The following OTUD7B variants were observed in gnomAD, a reference collection of about 807,000 sequenced individuals.
OTUD7B encodes the protein OTU domain-containing protein 7B.
OTUD7B carries 34 observed loss-of-function variants against 82.2 expected under a neutral mutation model. The ratio of observed to expected loss-of-function variants is 0.41; its 90% CI spans 0.31 to 0.55. The LOEUF (loss-of-function observed/expected upper bound fraction) is 0.55, where lower values mean the gene tolerates loss of function less well. Among genes scored for constraint, OTUD7B ranks in the 20% least tolerant of loss-of-function variants. The probability of loss-of-function intolerance (pLI) is 0.20; values close to 1 mark genes in which losing one functional copy is unlikely to be tolerated. For synonymous variants in OTUD7B, 398 were observed against 402.7 expected (o/e 0.99, Z 0.14); for missense variants, 944 against 1,062.1 (o/e 0.89, Z 1.55).
chr1:149,994,495 C>T (rs375530049), intron 1 of OTUD7B, among the ~76,000 whole-genome samples: 1 of 148,140 alleles, frequency 6.8e-6, no homozygotes, highest in African/African-American at 2.5e-5. Context: ...GCAGGAGAAT[C>T]GCTTGAACCT....
intron 9 of OTUD7B, 66 bp downstream of exon 9, chr1:149,949,563 A>G (rs1054270290): frequency 5.4e-5 from 82 of 1,524,648 alleles, no homozygotes; most frequent in Non-Finnish European, 6.4e-5. Context: ...CTTTCCTCCT[A>G]CATTAGATCT....
At position 149,949,089 on chromosome 1, in the gene OTUD7B, G is replaced by A. The variant is rs201364620; in HGVS notation, c.1124-6C>T. On this transcript the variant is annotated splice_region_variant and splice_polypyrimidine_tract_variant and intron_variant, in intron 9 of 11. Transcript: ENST00000581312. ...ATCTGTAAGTGGGATCACAGCTGGA[G>A]AGGAAGAAACATATCATCAAGGAAT... 2.7e-5 allele frequency: 42 copies of A among 1,560,862 alleles called. No individual in the cohort carries two copies. The Admixed American group carries it at 5.2e-4, about 19-fold the overall frequency.
At position 149,944,853 on chromosome 1, in the gene OTUD7B, G is replaced by C; in HGVS notation, c.1536C>G (p.Thr512=). The change falls in exon 12 of 12, where the codon ACC becomes ACG. Residue 512 remains threonine (T), a synonymous_variant. Transcript: ENST00000581312. The part of the protein sequence containing the change: ...VANKLGSFGK[T]LGSKLKKNMG... ...TGTTCTTCTTGAGCTTGCTGCCCAA[G>C]GTTTTGCCAAAGCTGCCCAGTTTGT... is the stretch of plus-strand genomic sequence containing the variant. 1 of 1,614,130 alleles carries C rather than the reference G, an allele frequency of 6.2e-7. No homozygotes were observed. The highest frequency in any genetic ancestry group is 8.5e-7 in the Non-Finnish European group (1 of 1,180,030).
the OTUD7B span, among the ~76,000 whole-genome samples, chr1:150,060,967 C>A: frequency 2.0e-5 from 3 of 152,086 alleles, no homozygotes; most frequent in African/African-American, 7.2e-5. Context: ...GTCCCCCAGG[C>A]TGGACTGCAG....
upstream of OTUD7B, among the ~76,000 whole-genome samples, chr1:150,012,242 G>A (rs1010598751): frequency 9.9e-5 from 15 of 152,170 alleles, no homozygotes; most frequent in Admixed American, 3.3e-4. Flanking sequence ...GGAAGGGTAC[G>A]GGGGTGGACG....
At chr1:149,961,973 C>T (rs1403627477) in intron 6 of OTUD7B, 1 of 152,104 alleles carries the variant, frequency 6.6e-6, no homozygotes, top group African/African-American at 2.4e-5. Context: ...GGCTTAACCG[C>T]ACACTGACAG....
chr1:149,978,506 A>G (rs1650487202), intron 1 of OTUD7B, among the ~76,000 whole-genome samples: 1 of 152,204 alleles, frequency 6.6e-6, no homozygotes, highest in Non-Finnish European at 1.5e-5. Flanking sequence ...GACTGTCTCA[A>G]AAAACTAACT....
At chr1:150,048,775 A>G in the OTUD7B span, among the ~76,000 whole-genome samples, 1 of 152,184 alleles carries the variant, frequency 6.6e-6, no homozygotes, top group African/African-American at 2.4e-5. Flanking sequence ...TCCATGTACA[A>G]AACATAAAAC....
intron 1 of OTUD7B, among the ~76,000 whole-genome samples, chr1:150,006,441 G>C (rs7536208): frequency 6.6e-6 from 1 of 152,140 alleles, no homozygotes; most frequent in African/African-American, 2.4e-5. Flanking sequence ...TGGGAGCAAA[G>C]TTGTCATTTT....
the OTUD7B span, among the ~76,000 whole-genome samples, chr1:150,041,785 A>G: frequency 6.6e-6 from 1 of 151,860 alleles, no homozygotes; most frequent in Admixed American, 6.6e-5. Context: ...TATTTCATTA[A>G]TTTCTGCTTT....
chr1:150,062,963 C>G, the OTUD7B span, among the ~76,000 whole-genome samples: 1 of 151,726 alleles, frequency 6.6e-6, no homozygotes, highest in Non-Finnish European at 1.5e-5. Flanking sequence ...ATCCACCCAT[C>G]TCCGCCTCCC....
chr1:150,065,184 A>G, the OTUD7B span, among the ~76,000 whole-genome samples: 4 of 151,568 alleles, frequency 2.6e-5, no homozygotes, highest in Admixed American at 2.6e-4. Context: ...TGATCCTCCC[A>G]TCTCAGCCTC....
upstream of OTUD7B, among the ~76,000 whole-genome samples, chr1:150,012,128 G>C (rs587618819): frequency 1.3e-5 from 2 of 152,148 alleles, no homozygotes; most frequent in Non-Finnish European, 2.9e-5. Flanking sequence ...GCGTATAAGG[G>C]ACCACAAATT....
intron 6 of OTUD7B, 29 bp from the exon 7 acceptor site, chr1:149,959,825 G>A (rs1649008163): frequency 2.8e-6 from 4 of 1,434,944 alleles, no homozygotes; most frequent in Non-Finnish European, 3.0e-6. Context: ...GGGGACATTG[G>A]GCAATTAGAG....
chr1:149,976,607 G>A (rs1369993910), intron 2 of OTUD7B, among the ~76,000 whole-genome samples: 9 of 840 alleles, frequency 0.011, no homozygotes, highest in African/African-American at 0.026. Context: ...GCAAAACTCC[G>A]TCTACAAAAA....
chr1:150,015,948 G>A, the OTUD7B span, among the ~76,000 whole-genome samples: 1 of 152,206 alleles, frequency 6.6e-6, no homozygotes, highest in African/African-American at 2.4e-5. Flanking sequence ...CTTACAAAGA[G>A]ATGAAAAGAA....
At chr1:149,969,752 G>A (rs1242062182) in intron 3 of OTUD7B, among the ~76,000 whole-genome samples, 2 of 152,166 alleles carry the variant, frequency 1.3e-5, no homozygotes, top group Non-Finnish European at 2.9e-5. Context: ...AGGCTGGAGA[G>A]CAGTGGTGCA....
chr1:150,013,937 A>AAAAAAT (rs1343558056), upstream of OTUD7B, among the ~76,000 whole-genome samples: 7 of 81,844 alleles, frequency 8.6e-5, no homozygotes, highest in African/African-American at 2.3e-4. Context: ...AAAAAAAAAT[A>AAAAAAT]ATATATATAT....
intron 7 of OTUD7B, among the ~76,000 whole-genome samples, chr1:149,954,058 C>T (rs1648475004): frequency 6.6e-6 from 1 of 152,160 alleles, no homozygotes; most frequent in Non-Finnish European, 1.5e-5. Context: ...TGCCTGATTG[C>T]CCTGGCCAGA....
Sources: allele counts gnomAD v4.1 joint callset (sites outside exome capture counted in the v4.1 genomes callset), GRCh38; gene constraint gnomAD v4.1.1; transcripts MANE v1.5; gene names NCBI Gene and HGNC (gene_info 2026-07-23, HGNC 2026-07-21).